FZD6: variants seen among roughly 807,000 people sequenced by gnomAD.
FZD6 encodes frizzled class receptor 6, also known as frizzled-6.
Under a neutral mutation model 61.4 loss-of-function variants are expected in FZD6, and 49 were observed. The ratio of observed to expected loss-of-function variants is 0.80; its 90% CI spans 0.63 to 1.01. FZD6 has a LOEUF of 1.01. Among genes scored for constraint, FZD6 ranks in the 50% least tolerant of loss-of-function variants. The probability of loss-of-function intolerance (pLI) is 0.00; values close to 1 mark genes in which losing one functional copy is unlikely to be tolerated. For synonymous variants in FZD6, 265 were observed against 292.2 expected (o/e 0.91, Z 0.95); for missense variants, 724 against 848.2 (o/e 0.85, Z 1.82).
At chr8:103,309,162 T>G (rs1264681926) in intron 2 of FZD6, among the ~76,000 whole-genome samples, 1 of 152,136 alleles carries the variant, frequency 6.6e-6, no homozygotes, top group Non-Finnish European at 1.5e-5. Flanking sequence ...AATCAATAGG[T>G]CTGGGATGGG....
chr8:103,312,881 G>T (rs909863380), intron 2 of FZD6, among the ~76,000 whole-genome samples: 9 of 152,176 alleles, frequency 5.9e-5, no homozygotes, highest in African/African-American at 1.7e-4. Flanking sequence ...TATGTATCCT[G>T]TGAACATTTA....
chr8:103,298,773 CCCGCCGCCGCCGCCG>C (rs539743508), upstream of FZD6: 294 of 158,436 alleles, frequency 1.9e-3, 1 homozygote, highest in African/African-American at 5.2e-3. Context: ...CAGGGCCAGT[CCCGCCGCCGCCGCCG>C]CCGCCGCCGC....
At chr8:103,324,438 A>ATTTTT in intron 3 of FZD6, 43 bp from the exon 4 acceptor site, 1 of 1,088,214 alleles carries the variant, frequency 9.2e-7, no homozygotes, top group Non-Finnish European at 1.3e-6. Flanking sequence ...TTGAATCAAT[A>ATTTTT]AAAATGTTGA....
chr8:103,325,017 C>T lies in FZD6; in HGVS notation c.911C>T (p.Thr304Ile). The T allele has an allele frequency of 6.2e-7, 1 of 1,614,076 alleles. No homozygotes were observed. The highest frequency in any genetic ancestry group is 2.2e-5 in the East Asian group (1 of 44,872). ...MAGTVWWVIL[T>I]ITWFLAAGRK... is the part of the protein sequence containing the mutation. Reference sequence around the variant, plus strand: ...GGCACTGTGTGGTGGGTGATTCTTACCATTACTTGGTTCTTAGCTGCAGGA... The same window carrying T: ...GGCACTGTGTGGTGGGTGATTCTTATCATTACTTGGTTCTTAGCTGCAGGA... The change falls in exon 4 of 7, where the codon ACC (threonine) becomes ATC (isoleucine). Residue 304 changes from threonine (T) to isoleucine (I), a missense_variant. By Grantham distance (89) the Thr-to-Ile change is moderately conservative. Transcript: ENST00000358755.
intron 6 of FZD6, among the ~76,000 whole-genome samples, chr8:103,331,021 CA>C (rs1279176589): frequency 6.6e-6 from 1 of 152,058 alleles, no homozygotes; most frequent in African/African-American, 2.4e-5. Flanking sequence ...ACTGAAAATA[CA>C]AAAAATTAGC....
intron 2 of FZD6, among the ~76,000 whole-genome samples, chr8:103,308,332 C>T (rs1180139990): frequency 2.6e-5 from 4 of 152,104 alleles, no homozygotes; most frequent in Admixed American, 1.3e-4. Context: ...ACTGCTTTTC[C>T]GGACTCCTAA....
chr8:103,322,909 A>C (rs1264791786), intron 3 of FZD6, among the ~76,000 whole-genome samples: 2 of 152,170 alleles, frequency 1.3e-5, no homozygotes, highest in Non-Finnish European at 2.9e-5. Context: ...TTTTAATGGG[A>C]AAAAATCTAA....
rs999347514 is a variant in FZD6, at chr8:103,331,974, A to T, written c.*465A>T. 1.2e-5 allele frequency: 2 copies of T among 160,464 alleles called. No homozygotes were observed. The highest frequency in any genetic ancestry group is 1.2e-4 in the Admixed American group (2 of 16,548). The allele number at this position is 160,464 out of a possible 1,614,324, so 9.9% of individuals were successfully genotyped here. A position where few individuals can be genotyped will look rare whatever the true frequency, so the allele number is the denominator to read the frequency against. Reference sequence around the variant, plus strand: ...CCTATTCAAGTATTTTTATCATGCTATTGTGATATTTTAGCACTTTGGTAG... The same window carrying T: ...CCTATTCAAGTATTTTTATCATGCTTTTGTGATATTTTAGCACTTTGGTAG... On this transcript the variant is annotated 3_prime_UTR_variant, in exon 7 of 7. Transcript: ENST00000358755.
At chr8:103,318,822 A>G (rs756805201) in intron 3 of FZD6, 36 bp downstream of exon 3, 4 of 1,133,146 alleles carry the variant, frequency 3.5e-6, no homozygotes, top group Non-Finnish European at 5.4e-6. Flanking sequence ...TACTAATGGT[A>G]TTTTACTACT....
intron 2 of FZD6, among the ~76,000 whole-genome samples, chr8:103,316,366 C>T (rs1814628159): frequency 6.6e-6 from 1 of 152,222 alleles, no homozygotes; most frequent in African/African-American, 2.4e-5. Context: ...ATCTGCCCTT[C>T]TGTCAAATGT....
chr8:103,318,433 C>T (rs1313342629), intron 2 of FZD6, among the ~76,000 whole-genome samples, 157 bp from the exon 3 acceptor site: 1 of 152,076 alleles, frequency 6.6e-6, no homozygotes, highest in African/African-American at 2.4e-5. Context: ...ATAGTAGTAT[C>T]CCATTGTGTA....
rs1466609347 is a variant in FZD6, at chr8:103,324,495, A to G, written c.389A>G (p.Asp130Gly). 6.3e-7 allele frequency: 1 copy of G among 1,583,366 alleles called. No homozygotes were observed. Among genetic ancestry groups the G allele is most frequent in the Non-Finnish European group, 8.7e-7 (1 of 1,152,446 alleles). Residue 130 changes from aspartate (D) to glycine (G), a missense_variant, in exon 4 of 7, where the codon GAT (aspartate) becomes GGT (glycine). Physicochemically the swap from Asp to Gly is moderately conservative, Grantham distance 94. Transcript: ENST00000358755. ...AATCTTTACAGATTACAATACTGTG[A>G]TGAGACTGTTCCTGTAACTTTTGAT... The part of the protein sequence containing the change: ...ELECDRLQYC[D>G]ETVPVTFDPH...
intron 2 of FZD6, among the ~76,000 whole-genome samples, chr8:103,304,394 T>C (rs1287458479): frequency 6.6e-6 from 1 of 152,200 alleles, no homozygotes; most frequent in Non-Finnish European, 1.5e-5. Context: ...AAATGCAAGC[T>C]CACAGACTCC....
intron 5 of FZD6, among the ~76,000 whole-genome samples, chr8:103,329,049 C>G (rs1047025179): frequency 3.2e-5 from 2 of 62,946 alleles, no homozygotes; most frequent in East Asian, 1.5e-3. Context: ...ACACTATATA[C>G]AAGGTACTAT....
intron 2 of FZD6, among the ~76,000 whole-genome samples, chr8:103,308,388 C>CCT (rs1814400830): frequency 6.6e-6 from 1 of 152,116 alleles, no homozygotes; most frequent in Non-Finnish European, 1.5e-5. Context: ...CTTGCAAGTC[C>CCT]CTATCTTGTT....
intron 1 of FZD6, among the ~76,000 whole-genome samples, chr8:103,299,271 A>T (rs1814074215): frequency 6.6e-6 from 1 of 152,212 alleles, no homozygotes. Context: ...GCGCTGGCGG[A>T]CCGGGCATCA....
At chr8:103,329,430 A>G (rs1815056265) in intron 5 of FZD6, among the ~76,000 whole-genome samples, 1 of 151,782 alleles carries the variant, frequency 6.6e-6, no homozygotes, top group African/African-American at 2.4e-5. Context: ...TTGCCAGTTT[A>G]CTATTTATAC....
Position 103,325,136 on chromosome 8 carries a change from G to T in FZD6, c.1030G>T (p.Ala344Ser). Residue 344 changes from alanine (A) to serine (S), a missense_variant, in exon 4 of 7, where the codon GCT (alanine) becomes TCT (serine). Coordinates refer to ENST00000358755, the MANE Select transcript of FZD6 (RefSeq NM_003506.4). ...AGGTTTCCTGACTGTTATGCTTCTT[G>T]CTATGAACAAAGTTGAAGGAGACAA... ...TPGFLTVMLL[A>S]MNKVEGDNIS... The T allele has an allele frequency of 3.1e-6, 5 of 1,614,094 alleles. No homozygotes were observed. Among genetic ancestry groups the T allele is most frequent in the Non-Finnish European group, 4.2e-6 (5 of 1,179,956 alleles).
chr8:103,320,200 G>C (rs1193050021), intron 3 of FZD6, among the ~76,000 whole-genome samples: 1 of 152,206 alleles, frequency 6.6e-6, no homozygotes, highest in African/African-American at 2.4e-5. Context: ...GAGGTCCTCT[G>C]TTGTGAGTCT....
Sources: gnomAD v4.1 joint callset for allele counts (sites outside exome capture counted in the v4.1 genomes callset) on GRCh38, gnomAD v4.1.1 for gene constraint, MANE v1.5 for transcripts, NCBI Gene and HGNC (gene_info 2026-07-23, HGNC 2026-07-21) for gene names.